The following ZNF624 variants were observed in gnomAD, a reference collection of about 807,000 sequenced individuals.
ZNF624 encodes the protein zinc finger protein 624.
A neutral mutation model predicts 74.7 loss-of-function variants in ZNF624; 43 were observed. The observed-to-expected ratio is 0.58, with a 90% CI of 0.45 to 0.74. The LOEUF (loss-of-function observed/expected upper bound fraction) is 0.74, where lower values mean the gene tolerates loss of function less well. Among genes scored for constraint, ZNF624 ranks in the 30% least tolerant of loss-of-function variants. The pLI is 0.00. For synonymous variants in ZNF624, 331 were observed against 341.3 expected (o/e 0.97, Z 0.33); for missense variants, 820 against 1,030.0 (o/e 0.80, Z 2.79).
intron 2 of ZNF624, among the ~76,000 whole-genome samples, chr17:16,648,416 C>T (rs1597499806): frequency 6.6e-6 from 1 of 152,166 alleles, no homozygotes; most frequent in East Asian, 1.9e-4. Context: ...TCTAAAAATG[C>T]ACAAATATTC....
At chr17:16,615,737 A>G (rs1908778855), downstream of ZNF624, among the ~76,000 whole-genome samples, 1 of 151,940 alleles carries the variant, frequency 6.6e-6, no homozygotes, top group South Asian at 2.1e-4. Context: ...TCTGGGAAAA[A>G]GGCAAGGATG....
At chr17:16,635,638 CAAA>C (rs1011603504) in intron 3 of ZNF624, among the ~76,000 whole-genome samples, 3 of 152,002 alleles carry the variant, frequency 2.0e-5, no homozygotes, top group African/African-American at 7.2e-5. Flanking sequence ...AAAATAAAAA[CAAA>C]ACCACAATGT....
chr17:16,635,416 T>C (rs898653700), intron 3 of ZNF624, among the ~76,000 whole-genome samples: 5 of 152,096 alleles, frequency 3.3e-5, no homozygotes, highest in East Asian at 1.9e-4. Flanking sequence ...CTAGACTCCT[T>C]TGAATATTTG....
intron 2 of ZNF624, among the ~76,000 whole-genome samples, chr17:16,649,175 C>T (rs1909661518): frequency 6.6e-6 from 1 of 152,152 alleles, no homozygotes; most frequent in South Asian, 2.1e-4. Flanking sequence ...TAAACATATT[C>T]TCTCAATGTA....
chr17:16,618,725 A>G (rs553917052), downstream of ZNF624, among the ~76,000 whole-genome samples: 6 of 152,172 alleles, frequency 3.9e-5, no homozygotes, highest in Non-Finnish European at 8.8e-5. Context: ...CGATGAGGAT[A>G]AAGATCTTGA....
At chr17:16,632,963 G>A (rs1909240532) in intron 5 of ZNF624, among the ~76,000 whole-genome samples, 1 of 152,122 alleles carries the variant, frequency 6.6e-6, no homozygotes, top group Admixed American at 6.5e-5. Flanking sequence ...CCTTTGCATT[G>A]TTGTTCCCTT....
intron 5 of ZNF624, among the ~76,000 whole-genome samples, chr17:16,627,637 G>A (rs1909104015): frequency 6.6e-6 from 1 of 152,176 alleles, no homozygotes; most frequent in African/African-American, 2.4e-5. Flanking sequence ...TCTTAATAAA[G>A]TCATAGGGCA....
At chr17:16,645,601 A>C (rs544431306) in intron 3 of ZNF624, among the ~76,000 whole-genome samples, 1 of 150,904 alleles carries the variant, frequency 6.6e-6, no homozygotes, top group East Asian at 1.9e-4. Flanking sequence ...GACATTTAGC[A>C]CTGAAATTTC....
chr17:16,626,252 A>C (rs539076768), intron 5 of ZNF624, among the ~76,000 whole-genome samples: 1 of 152,236 alleles, frequency 6.6e-6, no homozygotes, highest in South Asian at 2.1e-4. Flanking sequence ...TGCCCAGCCA[A>C]TTTTATGATT....
intron 5 of ZNF624, 22 bp downstream of exon 5, chr17:16,633,840 T>G (rs961514365): frequency 3.2e-6 from 5 of 1,571,110 alleles, no homozygotes; most frequent in Non-Finnish European, 4.4e-6. Context: ...AAATCCCATC[T>G]TCTTGGTTCT....
intron 5 of ZNF624, among the ~76,000 whole-genome samples, chr17:16,626,434 TAA>T (rs76442262): frequency 6.7e-6 from 1 of 149,520 alleles, no homozygotes; most frequent in African/African-American, 2.5e-5. Context: ...CAGTATCTGA[TAA>T]AAAAAAAAGT....
rs767831178 is a variant in ZNF624, at chr17:16,623,779, A to G, written c.1107T>C (p.Phe369=). 19 of 1,614,048 alleles carry G rather than the reference A, an allele frequency of 1.2e-5. No individual in the cohort carries two copies. Among genetic ancestry groups the G allele is most frequent in the South Asian group, 4.4e-5 (4 of 91,070 alleles). The stretch of plus-strand genomic sequence containing the variant: ...GCTGATTAAGACGGGCACACTGGCT[A>G]AAAGATTTCCCACACACATTACACT... ...PYQCNVCGKS[F]SQCARLNQHQ... Residue 369 remains phenylalanine, a synonymous_variant, in exon 6 of 6, where the codon TTT becomes TTC. Transcript: ENST00000311331. This position sits in a 1 kb window ranked among gnomAD's most constrained non-coding sequence, Gnocchi z 5.3.
intron 5 of ZNF624, among the ~76,000 whole-genome samples, chr17:16,629,993 T>G (rs949334312): frequency 1.1e-4 from 17 of 152,236 alleles, no homozygotes; most frequent in Non-Finnish European, 2.9e-5. Flanking sequence ...GTTAATATGT[T>G]GCCTATGGAT....
At chr17:16,648,126 T>G (rs547672460) in intron 2 of ZNF624, among the ~76,000 whole-genome samples, 4 of 151,534 alleles carry the variant, frequency 2.6e-5, no homozygotes, top group Non-Finnish European at 5.9e-5. Context: ...TTTTTTTTTG[T>G]GGAGACAGAG....
At chr17:16,629,197 CAAAAAAAAAAAAAA>C (rs34250278) in intron 5 of ZNF624, among the ~76,000 whole-genome samples, 1 of 59,476 alleles carries the variant, frequency 1.7e-5, no homozygotes, top group African/African-American at 5.4e-5. Flanking sequence ...GACTCCATCT[CAAAAAAAAAAAAAA>C]AAAAAAAAAA....
At chr17:16,640,941 T>C (rs900043115) in intron 3 of ZNF624, among the ~76,000 whole-genome samples, 1 of 152,114 alleles carries the variant, frequency 6.6e-6, no homozygotes, top group African/African-American at 2.4e-5. Flanking sequence ...GGACACAAAA[T>C]TCTCAACAAA....
intron 3 of ZNF624, among the ~76,000 whole-genome samples, chr17:16,635,549 A>G (rs1256461083): frequency 6.6e-6 from 1 of 152,206 alleles, no homozygotes; most frequent in African/African-American, 2.4e-5. Context: ...CTCATTAGAG[A>G]GGAACTATTT....
intron 1 of ZNF624, among the ~76,000 whole-genome samples, chr17:16,653,151 C>G (rs540912303): frequency 6.6e-6 from 1 of 152,336 alleles, no homozygotes; most frequent in African/African-American, 2.4e-5. Context: ...CATTTCCCAA[C>G]CAATGCAATA....
chr17:16,623,604 T>G lies in ZNF624; in HGVS notation c.1282A>C (p.Lys428Gln). The G allele has an allele frequency of 6.2e-7, 1 of 1,612,080 alleles. No individual in the cohort carries two copies. The highest frequency in any genetic ancestry group is 1.3e-5 in the African/African-American group (1 of 74,836). ...CDDCGKAFRN[K>Q]SYLSVHQKTH... Reference sequence around the variant, plus strand: ...TTCTGATGTACACTAAGATATGACTTGTTCCTAAAGGCTTTCCCACAATCA... The same window carrying G: ...TTCTGATGTACACTAAGATATGACTGGTTCCTAAAGGCTTTCCCACAATCA... Residue 428 changes from lysine to glutamine, a missense_variant, in exon 6 of 6, where the codon AAG becomes CAG. Lys to Gln is a moderately conservative substitution (Grantham distance 53). Coordinates refer to ENST00000311331, the MANE Select transcript of ZNF624 (RefSeq NM_020787.4). The surrounding 1 kb of genome is among the most constrained non-coding windows in gnomAD (Gnocchi z 5.3).
Sources: allele counts gnomAD v4.1 joint callset (sites outside exome capture counted in the v4.1 genomes callset), GRCh38; gene constraint gnomAD v4.1.1; non-coding constraint Gnocchi (gnomAD v3.1); transcripts MANE v1.5; gene names NCBI Gene and HGNC (gene_info 2026-07-23, HGNC 2026-07-21).